Variants in SLAIN1 observed in about 807,000 individuals in gnomAD.
SLAIN1 encodes SLAIN motif-containing protein 1.
SLAIN1 carries 17 observed loss-of-function variants against 55.4 expected under a neutral mutation model. The observed-to-expected ratio is 0.31, with a 90% CI of 0.21 to 0.46. SLAIN1 has a LOEUF of 0.46. Ranked by LOEUF, SLAIN1 falls within the 20% of genes least tolerant of loss-of-function variation. The pLI is 1.00. For synonymous variants in SLAIN1, 348 were observed against 337.4 expected (o/e 1.03, Z -0.35); for missense variants, 682 against 785.1 (o/e 0.87, Z 1.57).
At chr13:77,760,610 C>T (rs529698580) in intron 5 of SLAIN1, among the ~76,000 whole-genome samples, 2 of 152,170 alleles carry the variant, frequency 1.3e-5, no homozygotes. Context: ...CTGCATATAG[C>T]CAGGCACTCC....
At chr13:77,754,104 T>A (rs1874431757) in intron 5 of SLAIN1, among the ~76,000 whole-genome samples, 1 of 152,170 alleles carries the variant, frequency 6.6e-6, no homozygotes, top group Non-Finnish European at 1.5e-5. Flanking sequence ...CAAGGTTATA[T>A]TACCAGTATT....
At chr13:77,714,735 T>C (rs1489862682) in intron 1 of SLAIN1, among the ~76,000 whole-genome samples, 2 of 152,170 alleles carry the variant, frequency 1.3e-5, no homozygotes, top group African/African-American at 2.4e-5. Context: ...TTTGATAGAC[T>C]TTAACATGTA....
chr13:77,744,569 G>A (rs1454016678), intron 3 of SLAIN1, 137 bp downstream of exon 3: 10 of 1,389,634 alleles, frequency 7.2e-6, no homozygotes, highest in Non-Finnish European at 9.9e-6. Flanking sequence ...CTTTTTAGGT[G>A]GAGCCAGTTA....
intron 2 of SLAIN1, among the ~76,000 whole-genome samples, chr13:77,740,071 A>G (rs574491110): frequency 6.6e-6 from 1 of 152,254 alleles, no homozygotes; most frequent in East Asian, 1.9e-4. Context: ...GTGCATCCTT[A>G]GGGTAGCTTC....
At chr13:77,758,891 C>T (rs574860426) in intron 5 of SLAIN1, among the ~76,000 whole-genome samples, 13 of 152,020 alleles carry the variant, frequency 8.6e-5, no homozygotes, top group African/African-American at 3.1e-4. Context: ...TTTGCTTAGT[C>T]TTGCTTTGGC....
intron 1 of SLAIN1, among the ~76,000 whole-genome samples, chr13:77,703,750 A>C (rs1002990395): frequency 4.6e-5 from 7 of 151,840 alleles, no homozygotes; most frequent in Non-Finnish European, 8.8e-5. Flanking sequence ...AGAGAACTAA[A>C]GATTCGTTGA....
intron 1 of SLAIN1, among the ~76,000 whole-genome samples, chr13:77,717,526 T>G (rs2154409641): frequency 6.6e-6 from 1 of 152,224 alleles, no homozygotes; most frequent in South Asian, 2.1e-4. Flanking sequence ...TGTTTGCCCA[T>G]GTTTAAGGTG....
chr13:77,699,604 T>A (rs1052019610), intron 1 of SLAIN1, among the ~76,000 whole-genome samples: 12 of 152,236 alleles, frequency 7.9e-5, no homozygotes, highest in African/African-American at 2.7e-4. Flanking sequence ...TGGTTTCCTA[T>A]TGGGAACTGC....
At chr13:77,719,769 T>A in intron 2 of SLAIN1, 98 bp downstream of exon 2, 2 of 1,408,632 alleles carry the variant, frequency 1.4e-6, no homozygotes, top group Non-Finnish European at 9.8e-7. Flanking sequence ...TTGAAAATTC[T>A]TACCCTGAGG....
intron 2 of SLAIN1, chr13:77,743,031 G>A (rs1390712896): frequency 2.3e-6 from 3 of 1,293,858 alleles, no homozygotes; most frequent in Admixed American, 2.4e-5. Context: ...CGATGGCGGA[G>A]TCTCTTCTCT....
chr13:77,748,633 C>T (rs191871406), intron 4 of SLAIN1, among the ~76,000 whole-genome samples: 3 of 152,226 alleles, frequency 2.0e-5, no homozygotes, highest in Admixed American at 2.0e-4. Context: ...AAAGTGGAGA[C>T]ATATCACAGT....
chr13:77,713,556 CTT>C (rs1352622999), intron 1 of SLAIN1, among the ~76,000 whole-genome samples: 1 of 152,200 alleles, frequency 6.6e-6, no homozygotes, highest in African/African-American at 2.4e-5. Context: ...AATAGGAACA[CTT>C]TTACACTGTT....
intron 2 of SLAIN1, among the ~76,000 whole-genome samples, chr13:77,724,805 A>T (rs1275535821): frequency 6.6e-6 from 1 of 152,120 alleles, no homozygotes; most frequent in Non-Finnish European, 1.5e-5. Context: ...TTTGTTACAT[A>T]TGTATACATG....
intron 1 of SLAIN1, among the ~76,000 whole-genome samples, chr13:77,718,875 G>A (rs1179642014): frequency 3.3e-5 from 5 of 152,004 alleles, no homozygotes; most frequent in African/African-American, 1.2e-4. Context: ...CAGTGCCTCC[G>A]GGTAGTCATT....
Position 77,698,580 on chromosome 13 carries a change from G to C in SLAIN1, c.626+41G>C. On this transcript the variant is annotated intron_variant, in intron 1 of 6. Coordinates refer to ENST00000418532, the MANE Select transcript of SLAIN1 (RefSeq NM_001242868.2). This position sits in a 1 kb window ranked among gnomAD's most constrained non-coding sequence, Gnocchi z 4.1. The stretch of plus-strand genomic sequence containing the variant: ...GCTCCTTCCCCGAGACCCTGGCCTC[G>C]GGGGCTTCGGGCACCGGGGAGCGGG... 3.7e-6 allele frequency: 5 copies of C among 1,362,996 alleles called. No individual in the cohort carries two copies. The highest frequency in any genetic ancestry group is 4.7e-6 in the Non-Finnish European group (5 of 1,062,860). The allele number at this position is 1,362,996 out of a possible 1,614,324, so 84.4% of individuals were successfully genotyped here.
In SLAIN1 at chr13:77,744,511, C is replaced by T. The variant is rs759119335; in HGVS notation, c.916+79C>T. On this transcript the variant is annotated intron_variant, in intron 3 of 6. Coordinates refer to ENST00000418532, the MANE Select transcript of SLAIN1 (RefSeq NM_001242868.2). The stretch of plus-strand genomic sequence containing the variant: ...CAGAGGGGGAGGTTCAGGCATTTCT[C>T]TCCAGGTAATGGGCAAATAATTAGA... 6 of 1,596,136 alleles carry T rather than the reference C, an allele frequency of 3.8e-6. No homozygotes were observed. In the South Asian group the frequency reaches 4.4e-5, roughly 12 times the overall value.
intron 2 of SLAIN1, 82 bp from the exon 3 acceptor site, chr13:77,744,201 T>C (rs768400012): frequency 2.9e-6 from 3 of 1,040,734 alleles, no homozygotes; most frequent in Non-Finnish European, 4.5e-6. Flanking sequence ...GACAAATTGC[T>C]GACTGTTTAT....
chr13:77,744,092 T>C (rs899342809), intron 2 of SLAIN1, 191 bp from the exon 3 acceptor site: 2 of 589,274 alleles, frequency 3.4e-6, no homozygotes, highest in Middle Eastern at 4.4e-4. Flanking sequence ...TTGAAAACAA[T>C]GAACAAGTGG....
At chr13:77,744,688 A>G (rs1873697465) in intron 3 of SLAIN1, among the ~76,000 whole-genome samples, 1 of 152,124 alleles carries the variant, frequency 6.6e-6, no homozygotes, top group Admixed American at 6.6e-5. Flanking sequence ...CAGTTTCCTA[A>G]AAAACTAAAG....
Sources: allele counts gnomAD v4.1 joint callset (sites outside exome capture counted in the v4.1 genomes callset), GRCh38; gene constraint gnomAD v4.1.1; non-coding constraint Gnocchi (gnomAD v3.1); transcripts MANE v1.5; gene names NCBI Gene and HGNC (gene_info 2026-07-23, HGNC 2026-07-21).